Variants in LRRC4C observed in about 807,000 individuals in gnomAD.
LRRC4C encodes leucine rich repeat containing 4C.
LRRC4C carries 5 observed loss-of-function variants against 33.6 expected under a neutral mutation model. The ratio of observed to expected loss-of-function variants is 0.15; its 90% CI spans 0.08 to 0.31. The LOEUF (loss-of-function observed/expected upper bound fraction) is 0.31. Among genes scored for constraint, LRRC4C ranks in the 10% least tolerant of loss-of-function variants. The pLI is 1.00. For missense variants in LRRC4C, 560 were observed against 796.7 expected (o/e 0.70, Z 3.58); for synonymous variants, 329 against 302.0 (o/e 1.09, Z -0.93).
At chr11:40,519,462 T>C (rs1380428229) in intron 3 of LRRC4C, among the ~76,000 whole-genome samples, 1 of 152,316 alleles carries the variant, frequency 6.6e-6, no homozygotes, top group Non-Finnish European at 1.5e-5. Flanking sequence ...TCCTTCAGCC[T>C]TACTAACCAA....
At chr11:40,522,521 T>C (rs1955864259) in intron 3 of LRRC4C, among the ~76,000 whole-genome samples, 1 of 152,234 alleles carries the variant, frequency 6.6e-6, no homozygotes. Flanking sequence ...TCATGAGATC[T>C]GATGGTTTTA....
intron 3 of LRRC4C, among the ~76,000 whole-genome samples, chr11:40,526,964 A>G (rs1329303445): frequency 6.6e-6 from 1 of 152,192 alleles, no homozygotes; most frequent in Non-Finnish European, 1.5e-5. Flanking sequence ...ATAGCCACTG[A>G]TGTCTCAATG....
At chr11:40,527,818 G>A (rs1398610085) in intron 3 of LRRC4C, among the ~76,000 whole-genome samples, 3 of 151,908 alleles carry the variant, frequency 2.0e-5, no homozygotes, top group South Asian at 2.1e-4. Flanking sequence ...GCACGATCTC[G>A]GCTCACCACA....
chr11:40,859,851 C>T (rs1478963691), intron 2 of LRRC4C, among the ~76,000 whole-genome samples: 2 of 151,950 alleles, frequency 1.3e-5, no homozygotes, highest in East Asian at 1.9e-4. Context: ...CCGAGGCGGG[C>T]GGATCGCGAG....
chr11:41,300,515 G>A (rs1591196706), intron 1 of LRRC4C, among the ~76,000 whole-genome samples: 1 of 152,058 alleles, frequency 6.6e-6, no homozygotes, highest in African/African-American at 2.4e-5. Flanking sequence ...TGGAACTAAC[G>A]TCCTCTCTTC....
At chr11:41,390,965 G>C (rs1953566017) in intron 1 of LRRC4C, among the ~76,000 whole-genome samples, 1 of 147,554 alleles carries the variant, frequency 6.8e-6, no homozygotes, top group Non-Finnish European at 1.5e-5. Flanking sequence ...AGTATACAGG[G>C]TTGAGGTTTG....
At chr11:40,360,624 A>T (rs539355043) in intron 3 of LRRC4C, among the ~76,000 whole-genome samples, 8 of 152,166 alleles carry the variant, frequency 5.3e-5, no homozygotes, top group Non-Finnish European at 1.2e-4. Context: ...TCTCAGTCAC[A>T]TTGAGGCCAG....
intron 2 of LRRC4C, among the ~76,000 whole-genome samples, chr11:40,844,618 C>T (rs1451298283): frequency 6.6e-6 from 1 of 152,078 alleles, no homozygotes; most frequent in Non-Finnish European, 1.5e-5. Flanking sequence ...AATCTTGAGG[C>T]CAGACCTGTA....
intron 2 of LRRC4C, among the ~76,000 whole-genome samples, chr11:40,813,216 A>T (rs887022789): frequency 3.9e-5 from 6 of 152,162 alleles, no homozygotes; most frequent in African/African-American, 1.4e-4. Flanking sequence ...GTCTGTTCTC[A>T]TGCTGCTAAT....
chr11:40,400,875 C>T (rs1398204766), intron 3 of LRRC4C, among the ~76,000 whole-genome samples: 1 of 152,102 alleles, frequency 6.6e-6, no homozygotes, highest in Non-Finnish European at 1.5e-5. Context: ...CTTTCTCTAT[C>T]CCACACTATA....
At chr11:40,468,480 A>G (rs543583182) in intron 3 of LRRC4C, among the ~76,000 whole-genome samples, 2 of 152,128 alleles carry the variant, frequency 1.3e-5, no homozygotes, top group Admixed American at 1.3e-4. Flanking sequence ...TGTTAATCTC[A>G]TCTAGAAAAT....
chr11:41,255,361 T>C (rs1421601208), intron 1 of LRRC4C, among the ~76,000 whole-genome samples: 2 of 151,890 alleles, frequency 1.3e-5, no homozygotes, highest in East Asian at 3.9e-4. Context: ...AACACAATAG[T>C]GACAGAAAGC....
intron 3 of LRRC4C, among the ~76,000 whole-genome samples, chr11:40,326,017 C>A (rs567521225): frequency 1.3e-5 from 2 of 149,670 alleles, no homozygotes; most frequent in African/African-American, 4.9e-5. Context: ...TTGATCCAAC[C>A]ATGAGGTTGG....
chr11:40,667,488 T>C (rs1159017269), intron 2 of LRRC4C, among the ~76,000 whole-genome samples: 8 of 152,206 alleles, frequency 5.3e-5, no homozygotes, highest in Non-Finnish European at 1.2e-4. Context: ...AACTTGTTTC[T>C]AGTCAAGGGA....
At chr11:40,481,935 T>C (rs1953591612) in intron 3 of LRRC4C, among the ~76,000 whole-genome samples, 1 of 152,198 alleles carries the variant, frequency 6.6e-6, no homozygotes, top group Non-Finnish European at 1.5e-5. Context: ...TTTTATTATA[T>C]GGGAATAATA....
At chr11:40,283,057 C>G (rs1232360594) in intron 4 of LRRC4C, among the ~76,000 whole-genome samples, 1 of 152,180 alleles carries the variant, frequency 6.6e-6, no homozygotes, top group Non-Finnish European at 1.5e-5. Context: ...AACTGTGAGG[C>G]ATGTGCAATG....
At chr11:40,521,773 G>T (rs1202024221) in intron 3 of LRRC4C, among the ~76,000 whole-genome samples, 1 of 152,024 alleles carries the variant, frequency 6.6e-6, no homozygotes, top group Non-Finnish European at 1.5e-5. Flanking sequence ...GGAGGTTGAG[G>T]CAGGAGAATC....
intron 1 of LRRC4C, among the ~76,000 whole-genome samples, chr11:41,065,362 G>A (rs1419977657): frequency 6.6e-6 from 1 of 152,102 alleles, no homozygotes; most frequent in Non-Finnish European, 1.5e-5. Flanking sequence ...CTCCTCACTG[G>A]GTGAGGCATC....
At chr11:41,294,520 T>C (rs1194827741) in intron 1 of LRRC4C, among the ~76,000 whole-genome samples, 2 of 152,206 alleles carry the variant, frequency 1.3e-5, no homozygotes, top group Non-Finnish European at 2.9e-5. Flanking sequence ...TAAAGAAAGA[T>C]GTATTTCTAT....
Sources: allele counts gnomAD v4.1 joint callset (sites outside exome capture counted in the v4.1 genomes callset), GRCh38; gene constraint gnomAD v4.1.1; transcripts MANE v1.5; gene names NCBI Gene and HGNC (gene_info 2026-07-23, HGNC 2026-07-21).